SSBP2: variants seen among roughly 807,000 people sequenced by gnomAD.
SSBP2 encodes the protein single stranded DNA binding protein 2, also known as single-stranded DNA-binding protein 2.
In SSBP2, 17 loss-of-function variants were observed where a neutral mutation model predicts 61.8. That is an observed-to-expected ratio of 0.28 (90% CI 0.19 to 0.41). The LOEUF is 0.41. Ranked by LOEUF, SSBP2 falls within the 10% of genes least tolerant of loss-of-function variation. The pLI, the probability that SSBP2 is intolerant of heterozygous loss-of-function variation, is 1.00. For missense variants in SSBP2, 310 were observed against 458.7 expected (o/e 0.68, Z 2.96); for synonymous variants, 139 against 141.3 (o/e 0.98, Z 0.12).
chr5:81,682,068 T>C (rs1434106953), intron 1 of SSBP2, among the ~76,000 whole-genome samples: 1 of 152,174 alleles, frequency 6.6e-6, no homozygotes. Context: ...GAATCAATAA[T>C]TAATAATGTT....
At chr5:81,668,392 T>A (rs563535787) in intron 1 of SSBP2, among the ~76,000 whole-genome samples, 1 of 151,850 alleles carries the variant, frequency 6.6e-6, no homozygotes, top group South Asian at 2.1e-4. Context: ...TCTAACCAAA[T>A]ATTCCTAAGT....
intron 1 of SSBP2, among the ~76,000 whole-genome samples, chr5:81,714,526 A>C (rs1561721058): frequency 6.6e-6 from 1 of 152,228 alleles, no homozygotes; most frequent in Non-Finnish European, 1.5e-5. Context: ...CCAACAGTGT[A>C]AAAGTGTTCC....
chr5:81,474,981 A>T (rs1176722369), intron 6 of SSBP2, among the ~76,000 whole-genome samples: 1 of 152,218 alleles, frequency 6.6e-6, no homozygotes, highest in Admixed American at 6.5e-5. Context: ...ATGAAAATGG[A>T]AAGGGACGAA....
intron 4 of SSBP2, among the ~76,000 whole-genome samples, chr5:81,588,465 A>G (rs535444806): frequency 9.9e-5 from 15 of 152,234 alleles, no homozygotes; most frequent in African/African-American, 3.4e-4. Context: ...CCAGTAGTCC[A>G]TACTGCCTCA....
chr5:81,635,863 C>T (rs1469904153), intron 3 of SSBP2, among the ~76,000 whole-genome samples: 3 of 152,176 alleles, frequency 2.0e-5, no homozygotes, highest in African/African-American at 7.2e-5. Context: ...GGATTACAGG[C>T]GTGAGCCCAG....
chr5:81,568,094 G>A (rs1414839252), intron 4 of SSBP2, among the ~76,000 whole-genome samples: 1 of 152,146 alleles, frequency 6.6e-6, no homozygotes, highest in Non-Finnish European at 1.5e-5. Flanking sequence ...TGTTGGGAAG[G>A]CATAATTCGT....
At position 81,513,570 on chromosome 5, in the gene SSBP2, T is replaced by C. The variant is rs547065627; in HGVS notation, c.372+58A>G. The C allele has an allele frequency of 4.7e-6, 5 of 1,066,574 alleles. No individual in the cohort carries two copies. In the African/African-American group the frequency reaches 7.9e-5, roughly 17 times the overall value. The allele number at this position is 1,066,574 out of a possible 1,614,324, so 66.1% of individuals were successfully genotyped here. A position where few individuals can be genotyped will look rare whatever the true frequency, so the allele number is the denominator to read the frequency against. On this transcript the variant is annotated intron_variant, in intron 5 of 16. Transcript: ENST00000320672. ...GCCTTATCTTCCTTCGTATCTTTAA[T>C]AAAATCAAACAGGAGTTCCTATGCT... is the stretch of plus-strand genomic sequence containing the variant.
At chr5:81,505,861 C>T (rs1002749017) in intron 5 of SSBP2, among the ~76,000 whole-genome samples, 1 of 152,088 alleles carries the variant, frequency 6.6e-6, no homozygotes, top group Non-Finnish European at 1.5e-5. Context: ...GTTTGGCTAA[C>T]AAATAAACAA....
intron 4 of SSBP2, among the ~76,000 whole-genome samples, chr5:81,563,002 T>A (rs927718442): frequency 6.6e-6 from 1 of 152,122 alleles, no homozygotes; most frequent in African/African-American, 2.4e-5. Flanking sequence ...ACAATTCCAA[T>A]CAATATCCCA....
intron 3 of SSBP2, among the ~76,000 whole-genome samples, chr5:81,635,196 G>C (rs1561634507): frequency 6.6e-6 from 1 of 151,134 alleles, no homozygotes; most frequent in Non-Finnish European, 1.5e-5. Context: ...AAATATAAAG[G>C]TATGAACATA....
intron 5 of SSBP2, among the ~76,000 whole-genome samples, chr5:81,510,728 T>TC (rs1768537424): frequency 6.6e-6 from 1 of 151,288 alleles, no homozygotes; most frequent in Non-Finnish European, 1.5e-5. Context: ...GCCACTGCAC[T>TC]CAGCCTGGGC....
At chr5:81,493,277 G>C (rs1448397200) in intron 5 of SSBP2, among the ~76,000 whole-genome samples, 3 of 151,538 alleles carry the variant, frequency 2.0e-5, no homozygotes, top group Admixed American at 2.0e-4. Flanking sequence ...TAGATAGATA[G>C]ATAGATAGAT....
At chr5:81,434,544 G>A (rs7725562) in intron 15 of SSBP2, among the ~76,000 whole-genome samples, 3 of 143,768 alleles carry the variant, frequency 2.1e-5, no homozygotes, top group Non-Finnish European at 3.0e-5. Context: ...CAGGAGAATC[G>A]TTTGAACCCA....
intron 1 of SSBP2, among the ~76,000 whole-genome samples, chr5:81,746,218 G>T (rs76677100): frequency 0.012 from 1,860 of 151,984 alleles, 48 homozygotes; most frequent in African/African-American, 0.043. Context: ...AAAAATAGGG[G>T]TTTTTTTGAT....
chr5:81,623,565 G>A (rs1274050246), intron 3 of SSBP2, among the ~76,000 whole-genome samples: 2 of 151,900 alleles, frequency 1.3e-5, no homozygotes, highest in Non-Finnish European at 2.9e-5. Context: ...TCGATCTCCT[G>A]ACCTCATGAT....
chr5:81,498,489 C>A (rs1411475174), intron 5 of SSBP2, among the ~76,000 whole-genome samples: 1 of 151,916 alleles, frequency 6.6e-6, no homozygotes, highest in Non-Finnish European at 1.5e-5. Context: ...ATTCTAGAAT[C>A]TAAAACATAA....
At chr5:81,655,880 T>C (rs763697637) in intron 1 of SSBP2, among the ~76,000 whole-genome samples, 2 of 152,238 alleles carry the variant, frequency 1.3e-5, no homozygotes. Context: ...TTCCTTCAAC[T>C]AGGCTTCATG....
At chr5:81,519,554 T>G (rs1391017657) in intron 4 of SSBP2, among the ~76,000 whole-genome samples, 1 of 152,172 alleles carries the variant, frequency 6.6e-6, no homozygotes, top group Non-Finnish European at 1.5e-5. Context: ...AAGAGACACA[T>G]GTCACTTCCA....
intron 1 of SSBP2, among the ~76,000 whole-genome samples, chr5:81,703,141 T>C (rs967685987): frequency 1.7e-4 from 26 of 152,240 alleles, no homozygotes; most frequent in African/African-American, 5.5e-4. Flanking sequence ...GTAAAGCAGT[T>C]TGCCTATTAA....
Sources: allele counts gnomAD v4.1 joint callset (sites outside exome capture counted in the v4.1 genomes callset), GRCh38; gene constraint gnomAD v4.1.1; transcripts MANE v1.5; gene names NCBI Gene and HGNC (gene_info 2026-07-23, HGNC 2026-07-21).